DMD: variants seen among roughly 807,000 people sequenced by gnomAD.
DMD encodes dystrophin, also known as mutant dystrophin.
A neutral mutation model predicts 330.1 loss-of-function variants in DMD; 63 were observed. The ratio of observed to expected loss-of-function variants is 0.19; its 90% CI spans 0.16 to 0.24. The LOEUF is 0.24. DMD is among the 10% of genes least tolerant of loss of function. The pLI is 1.00. For synonymous variants in DMD, 1,223 were observed against 959.8 expected, an observed-to-expected ratio of 1.27 and a Z score of -5.07; for missense variants, 3,344 against 2,684.1, an observed-to-expected ratio of 1.25 and a Z score of -5.43.
intron 23 of DMD, among the ~76,000 whole-genome samples, chrX:32,467,597 T>G (rs1043256230): frequency 2.8e-5 from 3 of 108,622 alleles, no homozygotes; most frequent in African/African-American, 1.0e-4. Context: ...ATTAGATATG[T>G]ATATATGTAC....
chrX:32,151,918 T>C (rs994097018), intron 44 of DMD, among the ~76,000 whole-genome samples: 1 of 111,989 alleles, frequency 8.9e-6, no homozygotes, highest in African/African-American at 3.2e-5. Flanking sequence ...GTTAATTCTA[T>C]ACTGACATAG....
intron 56 of DMD, among the ~76,000 whole-genome samples, chrX:31,498,372 T>C (rs1244425489): frequency 2.7e-5 from 3 of 111,936 alleles, no homozygotes; most frequent in African/African-American, 6.5e-5. Flanking sequence ...ATGAAATTTA[T>C]ATATGAATTT....
Position 33,078,248 on chromosome X carries a change from C to T in DMD, c.32-58048G>A, listed in dbSNP as rs181554433. ...CAAGGTATGAGGCCAGATTCCCCAA[C>T]GGGCTTTAAATGGCTCTATAAGTCA... On this transcript the variant is annotated intron_variant, in intron 1 of 78. Coordinates refer to ENST00000357033, the MANE Select transcript of DMD (RefSeq NM_004006.3). 7.8e-4 allele frequency among the ~76,000 whole-genome samples: 87 copies of T among 111,792 alleles called. 1 individual carries two copies. The highest frequency in any genetic ancestry group is 4.9e-3 in the Admixed American group (51 of 10,454).
Position 33,241,879 on chromosome X carries a change from G to A in DMD, c.7+97380C>T, listed in dbSNP as rs762340735. On this transcript the variant is annotated intron_variant, in intron 1 of 17. Coordinates refer to the DMD transcript ENST00000288447. Reference sequence around the variant, plus strand: ...TGGATTCCAGCGATTCTCATGCCTCGGCCACCCAGGTAGCTGGGATTACAG... The same window carrying A: ...TGGATTCCAGCGATTCTCATGCCTCAGCCACCCAGGTAGCTGGGATTACAG... Among the ~76,000 whole-genome samples, 148 of 110,119 alleles carry A rather than the reference G, an allele frequency of 1.3e-3. 3 individuals carry two copies. Among genetic ancestry groups the A allele is most frequent in the Non-Finnish European group, 5.1e-4 (27 of 52,743 alleles).
chrX:31,444,642 C>T lies in DMD; in HGVS notation c.8938-15G>A, dbSNP rs780264686. On this transcript the variant is annotated splice_polypyrimidine_tract_variant and intron_variant, in intron 59 of 78. Coordinates refer to ENST00000357033, the MANE Select transcript of DMD (RefSeq NM_004006.3). ...CCTCGAAGTGCCTGTGTGCAATAGT[C>T]AAAAGCAAATTGGAAGATGAGAATA... is the stretch of plus-strand genomic sequence containing the variant. The T allele has an allele frequency of 9.1e-6, 11 of 1,208,405 alleles. No individual in the cohort carries two copies.
At chrX:31,764,172 G>A (rs1051740250) in intron 51 of DMD, among the ~76,000 whole-genome samples, 5 of 111,652 alleles carry the variant, frequency 4.5e-5, no homozygotes, top group African/African-American at 1.3e-4. Flanking sequence ...GTCTGGACCC[G>A]TCCTCATTTT....
intron 57 of DMD, among the ~76,000 whole-genome samples, chrX:31,494,272 A>C (rs2069616958): frequency 9.0e-6 from 1 of 111,169 alleles, no homozygotes; most frequent in Admixed American, 9.6e-5. Flanking sequence ...GTATGAGAAA[A>C]TATTTAGTTA....
chrX:31,527,041 G>A (rs2073294167), intron 55 of DMD, among the ~76,000 whole-genome samples: 1 of 111,218 alleles, frequency 9.0e-6, no homozygotes, highest in Non-Finnish European at 1.9e-5. Context: ...CTGAGCCCAG[G>A]GATGTCGAAG....
chrX:32,814,976 T>C (rs895883656), intron 6 of DMD, among the ~76,000 whole-genome samples: 2 of 111,556 alleles, frequency 1.8e-5, no homozygotes, highest in African/African-American at 6.5e-5. Flanking sequence ...AGCATTGACT[T>C]AAAACACAGA....
At chrX:32,063,064 A>C (rs750547380) in intron 44 of DMD, among the ~76,000 whole-genome samples, 3 of 110,856 alleles carry the variant, frequency 2.7e-5, no homozygotes, top group Non-Finnish European at 5.7e-5. Context: ...TCAACATTCA[A>C]TTAAGTCAAT....
Position 32,839,972 on chromosome X carries a change from G to A in DMD, c.264+4811C>T, listed in dbSNP as rs763576462. Among the ~76,000 whole-genome samples the A allele has an allele frequency of 2.7e-5, 3 of 111,630 alleles. No individual in the cohort carries two copies. In the East Asian group the frequency reaches 8.6e-4, roughly 32 times the overall value. On this transcript the variant is annotated intron_variant, in intron 4 of 78. Coordinates refer to ENST00000357033, the MANE Select transcript of DMD (RefSeq NM_004006.3). ...GATCCACCCGCCTGGACCACCCAAAGTGCTGGTATTACAGGCATGAGCCAC... is the reference window on the plus strand; with the variant it reads ...GATCCACCCGCCTGGACCACCCAAAATGCTGGTATTACAGGCATGAGCCAC...
At chrX:32,395,823 T>C (rs151170371) in intron 30 of DMD, among the ~76,000 whole-genome samples, 48 of 111,416 alleles carry the variant, frequency 4.3e-4, no homozygotes, top group African/African-American at 1.3e-3. Flanking sequence ...AAAGACTGAA[T>C]GTGAGTTAGT....
At chrX:32,925,472 C>T (rs1483591378) in intron 2 of DMD, among the ~76,000 whole-genome samples, 2 of 110,534 alleles carry the variant, frequency 1.8e-5, no homozygotes, top group Non-Finnish European at 3.8e-5. Flanking sequence ...CACGCACTTT[C>T]AGAAGTCCTT....
intron 59 of DMD, among the ~76,000 whole-genome samples, chrX:31,470,468 C>T (rs2067212630): frequency 8.9e-6 from 1 of 111,838 alleles, no homozygotes; most frequent in Non-Finnish European, 1.9e-5. Context: ...CTGAGTATCA[C>T]CAGCAGAAGC....
intron 44 of DMD, among the ~76,000 whole-genome samples, chrX:32,146,965 C>T: frequency 8.9e-6 from 1 of 112,264 alleles, no homozygotes; most frequent in East Asian, 2.8e-4. Context: ...TAATTACTGG[C>T]TACATCAGTT....
At chrX:32,349,705 G>T (rs772580896) in intron 37 of DMD, among the ~76,000 whole-genome samples, 1 of 111,813 alleles carries the variant, frequency 8.9e-6, no homozygotes, top group Non-Finnish European at 1.9e-5. Context: ...ATGATGACAT[G>T]ATTCTCATAT....
rs144579454 is a variant in DMD at position 33,204,994 on chromosome X, T to C, written c.31+6288A>G. ...TTAGAGACGGGGTGTGTACACCTAA[T>C]CCAAAGGAATCCTCTAGCTCTTCAG... On this transcript the variant is annotated intron_variant, in intron 1 of 78. Coordinates refer to ENST00000357033, the MANE Select transcript of DMD (RefSeq NM_004006.3). Among the ~76,000 whole-genome samples the C allele has an allele frequency of 3.5e-4, 39 of 112,430 alleles. No individual in the cohort carries two copies. In the East Asian group the frequency reaches 5.4e-3, roughly 15 times the overall value.
At chrX:32,346,205 C>G in intron 38 of DMD, 125 bp from the exon 39 acceptor site, 1 of 761,003 alleles carries the variant, frequency 1.3e-6, no homozygotes, top group South Asian at 2.4e-5. Flanking sequence ...TCATGGAATG[C>G]TATTATAAGA....
chrX:32,846,723 TAAAAAAAAAA>T (rs10564725), intron 3 of DMD, among the ~76,000 whole-genome samples: 1 of 53,583 alleles, frequency 1.9e-5, no homozygotes, highest in Non-Finnish European at 3.3e-5. Flanking sequence ...ACTTTAGATT[TAAAAAAAAAA>T]AAAAAAAAAA....
Sources: gnomAD v4.1 joint callset for allele counts (sites outside exome capture counted in the v4.1 genomes callset) on GRCh38, gnomAD v4.1.1 for gene constraint, MANE v1.5 for transcripts, NCBI Gene and HGNC (gene_info 2026-07-23, HGNC 2026-07-21) for gene names.